Variants in USP30 observed in about 807,000 individuals in gnomAD.
The protein encoded by USP30 is ubiquitin carboxyl-terminal hydrolase 30.
In USP30, 41 loss-of-function variants were observed where a neutral mutation model predicts 68.2. The ratio of observed to expected loss-of-function variants is 0.60; its 90% CI spans 0.47 to 0.78. USP30 has a LOEUF of 0.78. Ranked by LOEUF, USP30 falls within the 30% of genes least tolerant of loss-of-function variation. USP30 has a pLI of 0.00. For missense variants in USP30, 522 were observed against 649.4 expected (o/e 0.80, Z 2.13); for synonymous variants, 229 against 253.7 (o/e 0.90, Z 0.93).
rs749340167 is a variant in USP30, at chr12:109,072,290, T to C, written c.580-15T>C. On this transcript the variant is annotated splice_polypyrimidine_tract_variant and intron_variant, in intron 5 of 12. Coordinates refer to ENST00000257548, the MANE Select transcript of USP30 (RefSeq NM_032663.5). ...GTAAGGTTTTCAGTCTGTTTTTTTT[T>C]TTTCTCCCCTACAGCAGCAGTCAGA... 1 of 1,613,048 alleles carries C rather than the reference T, an allele frequency of 6.2e-7. No homozygotes were observed. The highest frequency in any genetic ancestry group is 1.1e-5 in the South Asian group (1 of 90,886).
At chr12:109,082,470 C>T in intron 9 of USP30, 193 bp from the exon 10 acceptor site, 1 of 596,976 alleles carries the variant, frequency 1.7e-6, no homozygotes, top group East Asian at 2.8e-5. Context: ...TCTCTTCCCT[C>T]CACTGTTTCT....
chr12:109,074,280 G>A (rs939392610), intron 7 of USP30, among the ~76,000 whole-genome samples: 1 of 152,158 alleles, frequency 6.6e-6, no homozygotes, highest in African/African-American at 2.4e-5. Context: ...TCAGTTGATG[G>A]GCATTTGGAT....
chr12:109,053,215 C>T (rs1277903702), intron 1 of USP30, among the ~76,000 whole-genome samples: 1 of 152,146 alleles, frequency 6.6e-6, no homozygotes, highest in Non-Finnish European at 1.5e-5. Context: ...ATAAGTGCCC[C>T]GGGCCTGCGA....
chr12:109,060,456 A>G (rs138008736), intron 3 of USP30, among the ~76,000 whole-genome samples: 18 of 152,316 alleles, frequency 1.2e-4, no homozygotes, highest in African/African-American at 4.1e-4. Flanking sequence ...ATCTTTATGA[A>G]GCAAGTGTAC....
chr12:109,060,498 T>G (rs1364763229), intron 3 of USP30, among the ~76,000 whole-genome samples: 1 of 152,168 alleles, frequency 6.6e-6, no homozygotes, highest in Non-Finnish European at 1.5e-5. Context: ...TGGGAATAAT[T>G]TCTTTTACTA....
chr12:109,063,789 G>A (rs1379457712), intron 3 of USP30, among the ~76,000 whole-genome samples: 1 of 151,806 alleles, frequency 6.6e-6, no homozygotes, highest in Non-Finnish European at 1.5e-5. Flanking sequence ...GTTATATTGA[G>A]CATCTTTTCA....
intron 3 of USP30, among the ~76,000 whole-genome samples, chr12:109,060,327 A>G (rs1037680635): frequency 3.9e-5 from 6 of 152,132 alleles, no homozygotes; most frequent in Admixed American, 6.5e-5. Flanking sequence ...CTATACTTCA[A>G]CTTTTAACAA....
At chr12:109,051,704 G>A (rs2040677353), upstream of USP30, among the ~76,000 whole-genome samples, 1 of 151,340 alleles carries the variant, frequency 6.6e-6, no homozygotes, top group Non-Finnish European at 1.5e-5. Context: ...TGAGTAGCTG[G>A]AATTACAGGA....
At chr12:109,023,628 C>CTTTTTTT (rs1179349331) in intron 1 of USP30, among the ~76,000 whole-genome samples, 18 of 72,706 alleles carry the variant, frequency 2.5e-4, no homozygotes, top group East Asian at 5.5e-4. Flanking sequence ...TTAATCAGGA[C>CTTTTTTT]TTTTTTTTTT....
At chr12:109,062,899 G>T (rs1450736202) in intron 3 of USP30, among the ~76,000 whole-genome samples, 1 of 151,942 alleles carries the variant, frequency 6.6e-6, no homozygotes, top group South Asian at 2.1e-4. Flanking sequence ...GGTAACCACT[G>T]CCCTACTTTC....
chr12:109,033,892 T>C (rs1395726054), intron 3 of USP30, among the ~76,000 whole-genome samples: 8 of 152,128 alleles, frequency 5.3e-5, no homozygotes, highest in Non-Finnish European at 1.2e-4. Flanking sequence ...ACAAGATGTC[T>C]AATCAGTACA....
At chr12:109,035,417 G>A (rs1215769452) in intron 3 of USP30, among the ~76,000 whole-genome samples, 2 of 152,056 alleles carry the variant, frequency 1.3e-5, no homozygotes, top group African/African-American at 2.4e-5. Flanking sequence ...AGGCTGGAGT[G>A]CAGTGGCACA....
intron 4 of USP30, 121 bp downstream of exon 4, chr12:109,067,748 G>A (rs2041306380): frequency 1.2e-6 from 1 of 801,602 alleles, no homozygotes; most frequent in East Asian, 2.7e-5. Context: ...CAACTTTAGT[G>A]TTCTGGGACC....
At chr12:109,055,663 C>G (rs920596309) in intron 1 of USP30, among the ~76,000 whole-genome samples, 38 of 149,672 alleles carry the variant, frequency 2.5e-4, no homozygotes, top group South Asian at 4.2e-4. Flanking sequence ...TCCCAAAGTG[C>G]TGGGATTACA....
intron 3 of USP30, among the ~76,000 whole-genome samples, chr12:109,065,018 A>G (rs1593261490): frequency 6.6e-6 from 1 of 152,232 alleles, no homozygotes; most frequent in Non-Finnish European, 1.5e-5. Context: ...CTTTATTATT[A>G]TTTTTTTAAG....
intron 7 of USP30, 71 bp from the exon 8 acceptor site, chr12:109,081,263 C>T (rs2041786624): frequency 7.0e-7 from 1 of 1,422,566 alleles, no homozygotes; most frequent in African/African-American, 1.4e-5. Flanking sequence ...TTCATAGTCA[C>T]ATATCTTGCA....
intron 3 of USP30, among the ~76,000 whole-genome samples, chr12:109,035,198 C>G (rs763659754): frequency 6.6e-6 from 1 of 151,966 alleles, no homozygotes; most frequent in Non-Finnish European, 1.5e-5. Context: ...TTTTGCTCCT[C>G]AGCTCCTCCA....
intron 6 of USP30, among the ~76,000 whole-genome samples, chr12:109,072,847 C>A (rs1325972052): frequency 6.6e-6 from 1 of 152,206 alleles, no homozygotes; most frequent in Non-Finnish European, 1.5e-5. Flanking sequence ...AACAACTCTA[C>A]AAAGTTGATG....
intron 8 of USP30, 21 bp downstream of exon 8, chr12:109,081,414 T>C: frequency 6.2e-7 from 1 of 1,612,720 alleles, no homozygotes; most frequent in Non-Finnish European, 8.5e-7. Flanking sequence ...ATTTATGGTT[T>C]ATTTGGAGTC....
Sources: gnomAD v4.1 joint callset for allele counts (sites outside exome capture counted in the v4.1 genomes callset) on GRCh38, gnomAD v4.1.1 for gene constraint, MANE v1.5 for transcripts, NCBI Gene and HGNC (gene_info 2026-07-23, HGNC 2026-07-21) for gene names.